LTBP1: variants seen among roughly 807,000 people sequenced by gnomAD.
LTBP1 encodes latent-transforming growth factor beta-binding protein 1.
A neutral mutation model predicts 207.6 loss-of-function variants in LTBP1; 129 were observed. The observed-to-expected ratio is 0.62, with a 90% CI of 0.54 to 0.72. The LOEUF (loss-of-function observed/expected upper bound fraction) is 0.72. Ranked by LOEUF, LTBP1 falls within the 30% of genes least tolerant of loss-of-function variation. The probability of loss-of-function intolerance (pLI) is 0.00; values close to 1 mark genes in which losing one functional copy is unlikely to be tolerated. For missense variants in LTBP1, 2,281 were observed against 2,217.2 expected (o/e 1.03, Z -0.58); for synonymous variants, 963 against 833.7 (o/e 1.16, Z -2.67).
At chr2:33,341,439 C>T (rs764550409) in intron 24 of LTBP1, among the ~76,000 whole-genome samples, 2 of 151,746 alleles carry the variant, frequency 1.3e-5, no homozygotes, top group African/African-American at 2.4e-5. Flanking sequence ...CGGCCAGGTG[C>T]GGTGGCTCAA....
At chr2:33,207,295 T>C (rs764921911) in intron 7 of LTBP1, among the ~76,000 whole-genome samples, 1 of 152,210 alleles carries the variant, frequency 6.6e-6, no homozygotes, top group Non-Finnish European at 1.5e-5. Context: ...CTGGAATTCC[T>C]TGAAGCCCAT....
At chr2:33,010,922 G>T (rs1454646803) in intron 2 of LTBP1, among the ~76,000 whole-genome samples, 1 of 152,000 alleles carries the variant, frequency 6.6e-6, no homozygotes, top group African/African-American at 2.4e-5. Context: ...GTTTCACCAT[G>T]TTGGCCAGGA....
At chr2:33,004,446 C>T (rs774700904) in intron 2 of LTBP1, among the ~76,000 whole-genome samples, 4 of 151,824 alleles carry the variant, frequency 2.6e-5, no homozygotes, top group African/African-American at 7.3e-5. Context: ...ATCCACATAC[C>T]ATACAATTCC....
At position 33,188,697 on chromosome 2, in the gene LTBP1, C is replaced by T. The variant is rs1309268623; in HGVS notation, c.1547C>T (p.Pro516Leu). ...PTGQKTKEAQ[P>L]GQSQVSYQGL... Reference sequence around the variant, plus strand: ...GGCCAGAAGACAAAAGAAGCTCAACCAGGCCAATCCCAAGTCTCGTACCAA... The same window carrying T: ...GGCCAGAAGACAAAAGAAGCTCAACTAGGCCAATCCCAAGTCTCGTACCAA... The change falls in exon 7 of 34, where the codon CCA (proline) becomes CTA (leucine). Residue 516 changes from proline (P) to leucine (L), a missense_variant. Transcript: ENST00000404816. 9 of 1,614,012 alleles carry T rather than the reference C, an allele frequency of 5.6e-6. No individual in the cohort carries two copies. The highest frequency in any genetic ancestry group is 7.6e-6 in the Non-Finnish European group (9 of 1,180,022).
chr2:33,013,481 T>TGGGTTATTTTTTTCCC (rs1384124702), intron 2 of LTBP1, among the ~76,000 whole-genome samples: 2 of 152,094 alleles, frequency 1.3e-5, no homozygotes, highest in Non-Finnish European at 2.9e-5. Flanking sequence ...ATTTTTTTTC[T>TGGGTTATTTTTTTCCC]GGGTTATTTT....
At chr2:33,176,362 A>G (rs2086057051) in intron 5 of LTBP1, among the ~76,000 whole-genome samples, 1 of 151,996 alleles carries the variant, frequency 6.6e-6, no homozygotes, top group Admixed American at 6.6e-5. Flanking sequence ...AGTAGCTGGG[A>G]CTACAGGCGC....
At chr2:33,146,071 C>T (rs553254780) in intron 5 of LTBP1, among the ~76,000 whole-genome samples, 178 of 152,312 alleles carry the variant, frequency 1.2e-3, no homozygotes, top group African/African-American at 4.2e-3. Context: ...AGGAAATTAA[C>T]TCTTAAAAGC....
intron 32 of LTBP1, among the ~76,000 whole-genome samples, chr2:33,393,518 A>C (rs1245201004): frequency 1.5e-5 from 2 of 135,978 alleles, no homozygotes; most frequent in Non-Finnish European, 3.0e-5. Context: ...TTCAATTCCC[A>C]CCTATGAGTG....
At position 33,149,240 on chromosome 2, in the gene LTBP1, A is replaced by C. The variant is rs1026924735; in HGVS notation, c.1201+14280A>C. 1.6e-3 allele frequency among the ~76,000 whole-genome samples: 225 copies of C among 145,046 alleles called. 3 individuals carry two copies. Among genetic ancestry groups the C allele is most frequent in the African/African-American group, 5.3e-3 (215 of 40,610 alleles). ...ACTCACAAAAAAACAAAAAAAAAAA[A>C]AAAAAAAAAAAAAAAGAGAGGGAGC... On this transcript the variant is annotated intron_variant, in intron 5 of 33. Coordinates refer to ENST00000404816, the MANE Select transcript of LTBP1 (RefSeq NM_206943.4).
chr2:33,054,404 T>C (rs1488654382), intron 3 of LTBP1, among the ~76,000 whole-genome samples: 1 of 152,178 alleles, frequency 6.6e-6, no homozygotes, highest in Non-Finnish European at 1.5e-5. Context: ...TGGGCGGGCA[T>C]TTTTTAGCCT....
intron 2 of LTBP1, among the ~76,000 whole-genome samples, chr2:32,994,719 G>A (rs1336312647): frequency 6.6e-6 from 1 of 152,016 alleles, no homozygotes; most frequent in African/African-American, 2.4e-5. Context: ...CACCCACCTC[G>A]CCCTCCCAAA....
intron 3 of LTBP1, among the ~76,000 whole-genome samples, chr2:33,032,777 G>T (rs1204066466): frequency 6.6e-6 from 1 of 152,148 alleles, no homozygotes; most frequent in Non-Finnish European, 1.5e-5. Flanking sequence ...AAGTTGCTAG[G>T]AAAGTTTTTG....
At chr2:33,051,604 C>A (rs1472483608) in intron 3 of LTBP1, among the ~76,000 whole-genome samples, 1 of 152,120 alleles carries the variant, frequency 6.6e-6, no homozygotes, top group African/African-American at 2.4e-5. Flanking sequence ...CCCCGGAGTG[C>A]CATTCAGAGC....
chr2:33,122,890 T>G (rs1450100569), intron 4 of LTBP1, among the ~76,000 whole-genome samples: 1 of 152,168 alleles, frequency 6.6e-6, no homozygotes, highest in Non-Finnish European at 1.5e-5. Flanking sequence ...ATCCTGTTGC[T>G]TGAGATAATG....
intron 3 of LTBP1, among the ~76,000 whole-genome samples, chr2:33,043,209 G>A (rs1213573950): frequency 1.3e-5 from 2 of 152,088 alleles, no homozygotes; most frequent in Non-Finnish European, 2.9e-5. Context: ...GATGAAATTA[G>A]GTATACATTA....
chr2:33,088,250 G>A (rs2078869972), intron 3 of LTBP1, among the ~76,000 whole-genome samples: 1 of 152,136 alleles, frequency 6.6e-6, no homozygotes, highest in Non-Finnish European at 1.5e-5. Context: ...TTGGAAGTTC[G>A]AGACCAGCTT....
chr2:33,356,796 G>C (rs777984529), intron 26 of LTBP1, among the ~76,000 whole-genome samples: 8 of 152,200 alleles, frequency 5.3e-5, no homozygotes, highest in Non-Finnish European at 1.2e-4. Flanking sequence ...AATGCCTGTA[G>C]CATTTTTAAA....
chr2:33,187,194 T>C (rs146553508), intron 6 of LTBP1, 114 bp downstream of exon 6: 21 of 828,600 alleles, frequency 2.5e-5, no homozygotes, highest in African/African-American at 2.4e-4. Flanking sequence ...AAGGAGTACA[T>C]GATTTGTGGC....
chr2:33,166,060 A>G (rs1177492971), intron 5 of LTBP1, among the ~76,000 whole-genome samples: 1 of 136,234 alleles, frequency 7.3e-6, no homozygotes, highest in Non-Finnish European at 1.6e-5. Flanking sequence ...CTCTATGAGT[A>G]ATGTATGTTT....
Sources: allele counts gnomAD v4.1 joint callset (sites outside exome capture counted in the v4.1 genomes callset), GRCh38; gene constraint gnomAD v4.1.1; transcripts MANE v1.5; gene names NCBI Gene and HGNC (gene_info 2026-07-23, HGNC 2026-07-21).